ME3: variants seen among roughly 807,000 people sequenced by gnomAD.
ME3 encodes the protein malic enzyme 3, also known as NADP-dependent malic enzyme, mitochondrial.
ME3 carries 48 observed loss-of-function variants against 68.9 expected under a neutral mutation model. The observed-to-expected ratio is 0.70, with a 90% CI of 0.55 to 0.89. The LOEUF is 0.89. Ranked by LOEUF, ME3 falls within the 40% of genes least tolerant of loss-of-function variation. The probability of loss-of-function intolerance (pLI) is 0.00; values close to 1 mark genes in which losing one functional copy is unlikely to be tolerated. For missense variants in ME3, 675 were observed against 797.4 expected, an observed-to-expected ratio of 0.85 and a Z score of 1.85; for synonymous variants, 320 against 318.8, an observed-to-expected ratio of 1.00 and a Z score of -0.04.
At chr11:86,457,673 C>T (rs1594035476) in intron 8 of ME3, 1 of 1,286,668 alleles carries the variant, frequency 7.8e-7, no homozygotes, top group East Asian at 5.6e-5. Context: ...GGTAACCACT[C>T]TGAGAAGCCC....
intron 2 of ME3, among the ~76,000 whole-genome samples, chr11:86,598,758 A>G (rs1300659156): frequency 6.6e-6 from 1 of 152,214 alleles, no homozygotes; most frequent in Non-Finnish European, 1.5e-5. Context: ...CAAAACTTCC[A>G]GAGGAACTAT....
chr11:86,568,639 C>T (rs1388906177), intron 2 of ME3, among the ~76,000 whole-genome samples: 1 of 152,206 alleles, frequency 6.6e-6, no homozygotes, highest in African/African-American at 2.4e-5. Flanking sequence ...GCAGCAAGCC[C>T]CTTAGATGGT....
chr11:86,580,789 A>AT (rs552231037), intron 2 of ME3, among the ~76,000 whole-genome samples: 8 of 152,120 alleles, frequency 5.3e-5, no homozygotes, highest in South Asian at 4.1e-4. Flanking sequence ...CAAAATAATC[A>AT]TTTTTTTGCA....
intron 2 of ME3, among the ~76,000 whole-genome samples, chr11:86,594,451 G>A (rs1959183386): frequency 6.9e-6 from 1 of 145,736 alleles, no homozygotes; most frequent in Non-Finnish European, 1.5e-5. Context: ...AGCACTTTGG[G>A]AGGCCAAGGT....
intron 4 of ME3, among the ~76,000 whole-genome samples, chr11:86,547,385 A>T (rs1956426133): frequency 6.6e-6 from 1 of 152,080 alleles, no homozygotes; most frequent in African/African-American, 2.4e-5. Context: ...CAGGAACAGA[A>T]AACCAAACAC....
chr11:86,632,205 G>T (rs1053268859), intron 2 of ME3, among the ~76,000 whole-genome samples: 5 of 152,198 alleles, frequency 3.3e-5, no homozygotes, highest in African/African-American at 1.2e-4. Flanking sequence ...TGTGTTCAAG[G>T]GCTGCTGGGT....
intron 4 of ME3, among the ~76,000 whole-genome samples, chr11:86,526,056 G>A (rs1032227904): frequency 2.5e-4 from 38 of 152,330 alleles, no homozygotes; most frequent in Admixed American, 2.0e-3. Flanking sequence ...AGCATGAGCC[G>A]AAGCAGGGCG....
intron 4 of ME3, among the ~76,000 whole-genome samples, chr11:86,512,604 G>A (rs1243513487): frequency 6.6e-6 from 1 of 152,210 alleles, no homozygotes; most frequent in East Asian, 1.9e-4. Flanking sequence ...GTGCTATGTT[G>A]TATCATGTTC....
At chr11:86,597,185 T>G (rs918058274) in intron 2 of ME3, among the ~76,000 whole-genome samples, 1 of 152,208 alleles carries the variant, frequency 6.6e-6, no homozygotes, top group Non-Finnish European at 1.5e-5. Context: ...CTAAGGTGCA[T>G]TGCCAAGGCA....
At chr11:86,595,626 T>G (rs1959308203) in intron 2 of ME3, among the ~76,000 whole-genome samples, 1 of 152,222 alleles carries the variant, frequency 6.6e-6, no homozygotes, top group Admixed American at 6.5e-5. Flanking sequence ...GGCACTGTGC[T>G]GGCTCAAGGT....
intron 9 of ME3, 35 bp downstream of exon 9, chr11:86,450,266 C>G: frequency 6.3e-7 from 1 of 1,597,344 alleles, no homozygotes; most frequent in South Asian, 1.1e-5. Flanking sequence ...TATTCTCTTC[C>G]TGGAGCAACC....
chr11:86,536,508 T>G (rs1955671121), intron 4 of ME3, among the ~76,000 whole-genome samples: 1 of 126,156 alleles, frequency 7.9e-6, no homozygotes, highest in African/African-American at 3.1e-5. Flanking sequence ...AAGAAGACAT[T>G]TATGCAGCCA....
intron 7 of ME3, among the ~76,000 whole-genome samples, chr11:86,475,787 A>T (rs1467052423): frequency 1.3e-5 from 2 of 151,176 alleles, no homozygotes; most frequent in African/African-American, 4.9e-5. Flanking sequence ...CCTAGGCTGG[A>T]TCCAGTGAGA....
At chr11:86,661,458 G>C (rs1331840922) in intron 2 of ME3, among the ~76,000 whole-genome samples, 2 of 152,220 alleles carry the variant, frequency 1.3e-5, no homozygotes, top group African/African-American at 2.4e-5. Context: ...TCTATTTGTA[G>C]AATTAGAAAT....
intron 7 of ME3, among the ~76,000 whole-genome samples, chr11:86,473,427 C>G (rs1476531052): frequency 6.6e-6 from 1 of 152,100 alleles, no homozygotes; most frequent in Non-Finnish European, 1.5e-5. Context: ...TTTCAAGAAG[C>G]TTGGCTGTGA....
intron 2 of ME3, among the ~76,000 whole-genome samples, chr11:86,648,381 C>T (rs1028118531): frequency 2.6e-5 from 4 of 152,116 alleles, no homozygotes; most frequent in African/African-American, 7.2e-5. Context: ...CTGGAAAGAT[C>T]TCAAATCGAC....
intron 4 of ME3, among the ~76,000 whole-genome samples, chr11:86,515,950 T>C (rs1953870682): frequency 6.6e-6 from 1 of 152,198 alleles, no homozygotes; most frequent in Admixed American, 6.5e-5. Flanking sequence ...GAGCAAATTA[T>C]AGGCTGCCCG....
chr11:86,641,034 AC>A (rs981813630), intron 2 of ME3, among the ~76,000 whole-genome samples: 5 of 62,206 alleles, frequency 8.0e-5, no homozygotes, highest in African/African-American at 1.8e-4. Context: ...TCTCAATTTC[AC>A]TGGGGGGGGG....
chr11:86,513,983 C>A (rs1009773350), intron 4 of ME3, among the ~76,000 whole-genome samples: 4 of 152,036 alleles, frequency 2.6e-5, no homozygotes, highest in African/African-American at 9.7e-5. Context: ...ATTGTAATCC[C>A]CACGTGTGAA....
Sources: gnomAD v4.1 joint callset for allele counts (sites outside exome capture counted in the v4.1 genomes callset) on GRCh38, gnomAD v4.1.1 for gene constraint, MANE v1.5 for transcripts, NCBI Gene and HGNC (gene_info 2026-07-23, HGNC 2026-07-21) for gene names.